Variants in TRAK1 observed in about 807,000 individuals in gnomAD.
TRAK1 encodes trafficking kinesin protein 1.
Under a neutral mutation model 92.1 loss-of-function variants are expected in TRAK1, and 33 were observed. The observed-to-expected ratio is 0.36, with a 90% CI of 0.27 to 0.48. TRAK1 has a LOEUF of 0.48. TRAK1 is among the 20% of genes least tolerant of loss of function. TRAK1 has a pLI of 0.99. For missense variants in TRAK1, 1,123 were observed against 1,257.9 expected (o/e 0.89, Z 1.62); for synonymous variants, 521 against 517.3 (o/e 1.01, Z -0.10).
At chr3:42,033,585 C>CTCAATCAA (rs61686568) in intron 1 of TRAK1, among the ~76,000 whole-genome samples, 29,292 of 151,512 alleles carry the variant, frequency 0.19, 4,751 homozygotes, top group African/African-American at 0.44. Context: ...AAGACCCTGT[C>CTCAATCAA]TCAATCAATC....
chr3:42,075,451 A>G (rs1279308658), intron 1 of TRAK1, among the ~76,000 whole-genome samples: 1 of 152,026 alleles, frequency 6.6e-6, no homozygotes, highest in African/African-American at 2.4e-5. Flanking sequence ...ATGAAGATAC[A>G]TGTGCTTATG....
intron 11 of TRAK1, 38 bp downstream of exon 11, chr3:42,199,291 G>A (rs76524399): frequency 1.2e-6 from 2 of 1,603,722 alleles, no homozygotes; most frequent in African/African-American, 2.7e-5. Flanking sequence ...GATTCCCAGA[G>A]ACCAACTTGG....
chr3:42,137,741 G>T (rs1204511261), intron 2 of TRAK1, among the ~76,000 whole-genome samples: 3 of 152,140 alleles, frequency 2.0e-5, no homozygotes, highest in Non-Finnish European at 4.4e-5. Flanking sequence ...GCTTTATAGT[G>T]AAGCTTTTCT....
intron 2 of TRAK1, among the ~76,000 whole-genome samples, chr3:42,174,114 C>T (rs1160490632): frequency 6.6e-6 from 1 of 152,194 alleles, no homozygotes; most frequent in African/African-American, 2.4e-5. Context: ...GCAACCTCCA[C>T]CTCCCGGGTC....
At chr3:42,135,211 C>G (rs1017669946) in intron 2 of TRAK1, among the ~76,000 whole-genome samples, 1 of 152,240 alleles carries the variant, frequency 6.6e-6, no homozygotes, top group Non-Finnish European at 1.5e-5. Context: ...CTACTGTCCC[C>G]TGCTGTATAG....
chr3:42,131,064 G>A (rs1041062069), intron 2 of TRAK1, among the ~76,000 whole-genome samples: 1 of 152,138 alleles, frequency 6.6e-6, no homozygotes, highest in Non-Finnish European at 1.5e-5. Context: ...ATGGGGCAAC[G>A]AACCTCATGT....
chr3:42,084,107 C>A (rs1704558007), upstream of TRAK1, among the ~76,000 whole-genome samples: 1 of 151,890 alleles, frequency 6.6e-6, no homozygotes, highest in Non-Finnish European at 1.5e-5. Context: ...AAGTCTTCAC[C>A]TCTAGAAAAT....
At chr3:42,179,291 G>A (rs774410870) in intron 3 of TRAK1, among the ~76,000 whole-genome samples, 15 of 152,222 alleles carry the variant, frequency 9.9e-5, no homozygotes, top group Non-Finnish European at 8.8e-5. Context: ...TGTGGCTGTT[G>A]CACTGTGCGG....
At chr3:42,217,007 G>A (rs528463736) in intron 14 of TRAK1, among the ~76,000 whole-genome samples, 48 of 152,082 alleles carry the variant, frequency 3.2e-4, no homozygotes, top group Non-Finnish European at 5.0e-4. Flanking sequence ...GCTTTGGTGC[G>A]TGGCATGGGC....
chr3:42,129,706 C>T (rs1317580651), intron 2 of TRAK1, among the ~76,000 whole-genome samples: 2 of 152,146 alleles, frequency 1.3e-5, no homozygotes, highest in Non-Finnish European at 2.9e-5. Flanking sequence ...GCTGGGTAAT[C>T]CTCAGAGTGG....
chr3:42,137,875 T>C (rs1698149372), intron 2 of TRAK1, among the ~76,000 whole-genome samples: 2 of 152,226 alleles, frequency 1.3e-5, no homozygotes, highest in South Asian at 2.1e-4. Context: ...TATCACTGCA[T>C]TGGGACTCGG....
At chr3:42,083,842 C>G (rs1046723870), upstream of TRAK1, among the ~76,000 whole-genome samples, 1 of 151,652 alleles carries the variant, frequency 6.6e-6, no homozygotes, top group African/African-American at 2.4e-5. Flanking sequence ...TGCACTCCAG[C>G]CTGGGTGATG....
intron 2 of TRAK1, chr3:42,160,109 T>A: frequency 1.8e-5 from 14 of 781,964 alleles, no homozygotes; most frequent in Non-Finnish European, 2.0e-5. Flanking sequence ...CGCCAAGTGC[T>A]CCACCCCACC....
chr3:42,058,433 G>T (rs975955464), intron 1 of TRAK1, among the ~76,000 whole-genome samples: 1 of 152,138 alleles, frequency 6.6e-6, no homozygotes, highest in African/African-American at 2.4e-5. Context: ...TGCCTCCCGG[G>T]TTCAAGCAAT....
Position 42,223,752 on chromosome 3 carries a change from C to G in TRAK1, c.*15C>G. 1 of 1,589,182 alleles carries G rather than the reference C, an allele frequency of 6.3e-7. No homozygotes were observed. Among genetic ancestry groups the G allele is most frequent in the Non-Finnish European group, 8.6e-7 (1 of 1,163,362 alleles). On this transcript the variant is annotated 3_prime_UTR_variant, in exon 16 of 16. Transcript: ENST00000327628. The surrounding 1 kb of genome is among the most constrained non-coding windows in gnomAD (Gnocchi z 6.1). ...GCTTACGGTGAGGACTGGAGGGGGG[C>G]CGGTTGCCCTAGAGGAGACCCACGT...
At chr3:42,092,582 C>T (rs575726946) in intron 1 of TRAK1, among the ~76,000 whole-genome samples, 7 of 152,146 alleles carry the variant, frequency 4.6e-5, no homozygotes, top group South Asian at 2.1e-4. Context: ...AGCTGTAAAC[C>T]GAGTGAGAAT....
At chr3:42,144,355 G>T (rs1182344918) in intron 2 of TRAK1, among the ~76,000 whole-genome samples, 1 of 151,936 alleles carries the variant, frequency 6.6e-6, no homozygotes, top group Non-Finnish European at 1.5e-5. Context: ...TGTGCTAAGT[G>T]CTCTGCCATA....
chr3:42,133,903 T>C (rs536042946), intron 2 of TRAK1, among the ~76,000 whole-genome samples: 39 of 152,266 alleles, frequency 2.6e-4, no homozygotes, highest in Non-Finnish European at 5.0e-4. Context: ...TGTAACACTT[T>C]TTTTATAGCA....
chr3:42,111,255 T>A (rs947711064), intron 1 of TRAK1, among the ~76,000 whole-genome samples: 1 of 152,212 alleles, frequency 6.6e-6, no homozygotes, highest in Non-Finnish European at 1.5e-5. Context: ...TATTCATTCC[T>A]GGACACAGGT....
Sources: allele counts gnomAD v4.1 joint callset (sites outside exome capture counted in the v4.1 genomes callset), GRCh38; gene constraint gnomAD v4.1.1; non-coding constraint Gnocchi (gnomAD v3.1); transcripts MANE v1.5; gene names NCBI Gene and HGNC (gene_info 2026-07-23, HGNC 2026-07-21).